CCSER1: variants seen among roughly 807,000 people sequenced by gnomAD.
CCSER1 encodes coiled-coil serine rich protein 1.
In CCSER1, 41 loss-of-function variants were observed where a neutral mutation model predicts 82.0. The ratio of observed to expected loss-of-function variants is 0.50; its 90% confidence interval spans 0.39 to 0.65. The LOEUF (loss-of-function observed/expected upper bound fraction) is 0.65, where lower values mean the gene tolerates loss of function less well. Ranked by LOEUF, CCSER1 falls within the 30% of genes least tolerant of loss-of-function variation. CCSER1 has a pLI of 0.00. For synonymous variants in CCSER1, 414 were observed against 383.9 expected, an observed-to-expected ratio of 1.08 and a Z score of -0.92; for missense variants, 1,119 against 1,064.2, an observed-to-expected ratio of 1.05 and a Z score of -0.72.
At chr4:91,246,066 A>G (rs1261631158) in intron 10 of CCSER1, among the ~76,000 whole-genome samples, 1 of 152,228 alleles carries the variant, frequency 6.6e-6, no homozygotes, top group Non-Finnish European at 1.5e-5. Context: ...GTAAGCACAT[A>G]GAAAAGCACT....
intron 5 of CCSER1, among the ~76,000 whole-genome samples, chr4:90,576,723 A>G (rs1330005648): frequency 1.3e-5 from 2 of 152,154 alleles, no homozygotes; most frequent in Non-Finnish European, 2.9e-5. Flanking sequence ...CACTGAATAC[A>G]ATTTTATTGT....
chr4:90,831,447 T>G (rs1761099984), intron 8 of CCSER1, among the ~76,000 whole-genome samples: 1 of 152,178 alleles, frequency 6.6e-6, no homozygotes, highest in Admixed American at 6.6e-5. Flanking sequence ...CCTCTGAACT[T>G]TGCCACAAAA....
intron 5 of CCSER1, among the ~76,000 whole-genome samples, chr4:90,561,512 A>T (rs536387903): frequency 6.6e-6 from 1 of 152,356 alleles, no homozygotes; most frequent in East Asian, 1.9e-4. Flanking sequence ...GTTCCAATAG[A>T]TATCAATCAT....
intron 5 of CCSER1, among the ~76,000 whole-genome samples, chr4:90,483,396 T>TGAATTTGATCCTGTCA (rs1364354819): frequency 6.6e-6 from 1 of 152,194 alleles, no homozygotes. Flanking sequence ...TTGTCATGTG[T>TGAATTTGATCCTGTCA]GAATTTGATC....
Position 90,538,106 on chromosome 4 carries a change from C to T in CCSER1, c.1724+69752C>T, listed in dbSNP as rs541680856. The stretch of plus-strand genomic sequence containing the variant: ...GCTCTGATCTGCACAGATATCTTTT[C>T]ATTCTTTTCAGATATAAGGTGGATT... On this transcript the variant is annotated intron_variant, in intron 5 of 10. Transcript: ENST00000509176. Among the ~76,000 whole-genome samples the T allele has an allele frequency of 1.1e-4, 17 of 152,192 alleles. No homozygotes were observed. The South Asian group carries it at 3.3e-3, about 30-fold the overall frequency.
chr4:90,581,055 T>C (rs1317193043), intron 5 of CCSER1, among the ~76,000 whole-genome samples: 1 of 152,168 alleles, frequency 6.6e-6, no homozygotes, highest in East Asian at 1.9e-4. Context: ...GAATTTCTAA[T>C]GCAATAAATT....
Position 91,369,810 on chromosome 4 carries a change from G to A in CCSER1, c.2218-228762G>A, listed in dbSNP as rs557217152. 2.0e-5 allele frequency among the ~76,000 whole-genome samples: 3 copies of A among 150,596 alleles called. No homozygotes were observed. In the East Asian group the frequency reaches 5.9e-4, roughly 30 times the overall value. On this transcript the variant is annotated intron_variant, in intron 10 of 10. Coordinates refer to ENST00000509176, the MANE Select transcript of CCSER1 (RefSeq NM_001145065.2). The stretch of plus-strand genomic sequence containing the variant: ...CAGCCTCCCAAGTAGCTGGGACTTT[G>A]GGAGCACGCCCACCACGCCTAGCTA...
intron 10 of CCSER1, among the ~76,000 whole-genome samples, chr4:91,493,398 T>C (rs2110075002): frequency 6.6e-6 from 1 of 151,978 alleles, no homozygotes; most frequent in Non-Finnish European, 1.5e-5. Context: ...TAAGTTATTT[T>C]TCAAGATACA....
chr4:91,080,944 C>T (rs1048124176), intron 9 of CCSER1, among the ~76,000 whole-genome samples: 1 of 152,088 alleles, frequency 6.6e-6, no homozygotes, highest in Non-Finnish European at 1.5e-5. Flanking sequence ...AAGTCCAGGA[C>T]CAGACGGATT....
chr4:91,589,914 ACT>A (rs1253157687), intron 10 of CCSER1, among the ~76,000 whole-genome samples: 2 of 151,452 alleles, frequency 1.3e-5, no homozygotes, highest in African/African-American at 2.4e-5. Flanking sequence ...ACACACACAC[ACT>A]CTCTCACACA....
At chr4:90,300,114 C>T (rs996296893) in intron 1 of CCSER1, among the ~76,000 whole-genome samples, 1 of 152,082 alleles carries the variant, frequency 6.6e-6, no homozygotes, top group Non-Finnish European at 1.5e-5. Flanking sequence ...ACTTATGCAG[C>T]ATTCCCCTAA....
At chr4:91,260,758 ATTTATTTT>A (rs1425265672) in intron 10 of CCSER1, among the ~76,000 whole-genome samples, 220 of 149,914 alleles carry the variant, frequency 1.5e-3, no homozygotes, top group Non-Finnish European at 2.5e-3. Context: ...TTATTTATTT[ATTTATTTT>A]TTTATTTTTT....
At chr4:90,150,103 A>G (rs1186179690) in intron 1 of CCSER1, among the ~76,000 whole-genome samples, 4 of 152,152 alleles carry the variant, frequency 2.6e-5, no homozygotes, top group Non-Finnish European at 5.9e-5. Context: ...CATGGATTGA[A>G]TATATTCGTG....
chr4:91,435,732 C>T (rs886722587), intron 10 of CCSER1, among the ~76,000 whole-genome samples: 2 of 152,026 alleles, frequency 1.3e-5, no homozygotes, highest in African/African-American at 4.8e-5. Flanking sequence ...GTATTTATAC[C>T]ATTTAAAGCT....
intron 8 of CCSER1, among the ~76,000 whole-genome samples, chr4:90,829,000 C>T (rs1760814516): frequency 6.6e-6 from 1 of 151,876 alleles, no homozygotes; most frequent in African/African-American, 2.4e-5. Flanking sequence ...GGGATGTCAC[C>T]TAGGAAACTT....
chr4:90,697,270 T>G (rs2149259959), intron 6 of CCSER1, among the ~76,000 whole-genome samples: 1 of 152,260 alleles, frequency 6.6e-6, no homozygotes, highest in East Asian at 1.9e-4. Context: ...GCACGTCAGA[T>G]TATTTATTAT....
intron 7 of CCSER1, among the ~76,000 whole-genome samples, chr4:90,734,830 T>C (rs1201915447): frequency 6.6e-6 from 1 of 152,166 alleles, no homozygotes. Context: ...CCTTTTCTGA[T>C]TGCTCTAGCT....
At position 90,224,259 on chromosome 4, in the gene CCSER1, A is replaced by G. The variant is rs543566072; in HGVS notation, c.-41-83985A>G. On this transcript the variant is annotated intron_variant, in intron 1 of 10. Transcript: ENST00000509176. ...GTTGACATATGACAAGGGAATTTCT[A>G]TAGTTTGCATTTTATTCACTTTTTC... 3.1e-4 allele frequency among the ~76,000 whole-genome samples: 47 copies of G among 152,326 alleles called. 1 individual carries two copies. The South Asian group carries it at 9.5e-3, about 31-fold the overall frequency.
At chr4:91,164,744 C>G (rs1195499633) in intron 10 of CCSER1, among the ~76,000 whole-genome samples, 1 of 152,176 alleles carries the variant, frequency 6.6e-6, no homozygotes, top group African/African-American at 2.4e-5. Flanking sequence ...GTTGTGCATG[C>G]ATCATGTATT....
Sources: allele counts gnomAD v4.1 joint callset (sites outside exome capture counted in the v4.1 genomes callset), GRCh38; gene constraint gnomAD v4.1.1; transcripts MANE v1.5; gene names NCBI Gene and HGNC (gene_info 2026-07-23, HGNC 2026-07-21).